TRAM1: variants seen among roughly 807,000 people sequenced by gnomAD.
The protein encoded by TRAM1 is translocating chain-associated membrane protein 1.
Under a neutral mutation model 48.7 loss-of-function variants are expected in TRAM1, and 17 were observed. The observed-to-expected ratio is 0.35, with a 90% confidence interval of 0.24 to 0.52. The LOEUF (loss-of-function observed/expected upper bound fraction) is 0.52. Among genes scored for constraint, TRAM1 ranks in the 20% least tolerant of loss-of-function variants. TRAM1 has a pLI of 0.94. For synonymous variants in TRAM1, 182 were observed against 154.0 expected, an observed-to-expected ratio of 1.18 and a Z score of -1.34; for missense variants, 351 against 441.5, an observed-to-expected ratio of 0.79 and a Z score of 1.84.
At chr8:70,594,805 G>A (rs1817451293) in intron 5 of TRAM1, among the ~76,000 whole-genome samples, 1 of 152,108 alleles carries the variant, frequency 6.6e-6, no homozygotes, top group Admixed American at 6.6e-5. Flanking sequence ...TTAAACAGCA[G>A]GCAAAGATAC....
Position 70,587,095 on chromosome 8 carries a change from T to C in TRAM1, c.641+11A>G, listed in dbSNP as rs1036837906. On this transcript the variant is annotated intron_variant, in intron 7 of 10. Coordinates refer to ENST00000262213, the MANE Select transcript of TRAM1 (RefSeq NM_014294.6). ...AGCCTACTTACACACCCATGAAATA[T>C]CCCAACTCACTTCAAAAGGTAAGCT... The C allele has an allele frequency of 6.8e-6, 11 of 1,613,868 alleles. No homozygotes were observed. The highest frequency in any genetic ancestry group is 9.3e-6 in the Non-Finnish European group (11 of 1,179,824).
Position 70,598,275 on chromosome 8 carries a change from C to T in TRAM1, c.188-20G>A. The T allele has an allele frequency of 6.3e-7, 1 of 1,593,868 alleles. No homozygotes were observed. ...GTTCTTCTGAAGACCAAAAAGGACA[C>T]AAATACACAAAAATATACACAAGGT... On this transcript the variant is annotated intron_variant, in intron 2 of 10. Coordinates refer to ENST00000262213, the MANE Select transcript of TRAM1 (RefSeq NM_014294.6).
chr8:70,604,547 A>C (rs1044945731), intron 1 of TRAM1, among the ~76,000 whole-genome samples: 1 of 152,142 alleles, frequency 6.6e-6, no homozygotes, highest in East Asian at 1.9e-4. Context: ...TTTGTAGTTC[A>C]CAAGTGTGAT....
chr8:70,579,176 C>G (rs1817022556), intron 10 of TRAM1, among the ~76,000 whole-genome samples: 1 of 152,172 alleles, frequency 6.6e-6, no homozygotes, highest in South Asian at 2.1e-4. Flanking sequence ...TGTACTTCCA[C>G]AAATCTAGAT....
chr8:70,607,139 G>A (rs959515733), intron 1 of TRAM1: 55 of 984,126 alleles, frequency 5.6e-5, no homozygotes, highest in Non-Finnish European at 6.2e-5. Flanking sequence ...GCAAAGGAAT[G>A]AGCGTGTGTA....
chr8:70,585,278 A>G (rs1484468986), intron 8 of TRAM1, among the ~76,000 whole-genome samples: 1 of 152,172 alleles, frequency 6.6e-6, no homozygotes, highest in African/African-American at 2.4e-5. Flanking sequence ...AATTAATTCA[A>G]GATGGATTAA....
At chr8:70,603,933 C>A (rs1317254086) in intron 1 of TRAM1, among the ~76,000 whole-genome samples, 1 of 152,222 alleles carries the variant, frequency 6.6e-6, no homozygotes, top group Non-Finnish European at 1.5e-5. Context: ...AGCTAGCAGT[C>A]TTGCTCCTAG....
intron 6 of TRAM1, among the ~76,000 whole-genome samples, chr8:70,589,116 C>A (rs758925841): frequency 6.6e-6 from 1 of 152,046 alleles, no homozygotes; most frequent in African/African-American, 2.4e-5. Flanking sequence ...GTAAGCATGG[C>A]GCAAAGATCA....
At chr8:70,602,734 A>G (rs191475071) in intron 1 of TRAM1, among the ~76,000 whole-genome samples, 1 of 152,340 alleles carries the variant, frequency 6.6e-6, no homozygotes, top group East Asian at 1.9e-4. Flanking sequence ...TTGATTTGCA[A>G]TATTATCTAC....
rs1817449046 is a variant in TRAM1, at chr8:70,594,718, G to A, written c.486-128C>T. The A allele has an allele frequency of 4.6e-6, 3 of 656,686 alleles. No individual in the cohort carries two copies. In the East Asian group the frequency reaches 9.8e-5, roughly 21 times the overall value. The allele number at this position is 656,686 out of a possible 1,614,324, so 40.7% of individuals were successfully genotyped here. Reference sequence around the variant, plus strand: ...TGTCATCATTCCATACAATATCTGTGCACCTTTAAACAACTCTTCAACAAC... The same window carrying A: ...TGTCATCATTCCATACAATATCTGTACACCTTTAAACAACTCTTCAACAAC... On this transcript the variant is annotated intron_variant, in intron 5 of 10. Coordinates refer to ENST00000262213, the MANE Select transcript of TRAM1 (RefSeq NM_014294.6).
At chr8:70,605,637 C>T (rs908720199) in intron 1 of TRAM1, among the ~76,000 whole-genome samples, 4 of 152,112 alleles carry the variant, frequency 2.6e-5, no homozygotes, top group African/African-American at 9.7e-5. Context: ...AGTCGAATAG[C>T]AAAACTAACC....
rs1347320375 is a variant in TRAM1 at position 70,574,721 on chromosome 8, GGCAGGTA to G, written c.*204_*210del. ...GTGGTGGTCCCTAAACTATTTTGAA[GGCAGGTA>G]GCTTAGTCTAAGCTAAAATATTTTT... On this transcript the variant is annotated 3_prime_UTR_variant, in exon 11 of 11. Coordinates refer to ENST00000262213, the MANE Select transcript of TRAM1 (RefSeq NM_014294.6). 2.4e-6 allele frequency: 1 copy of G among 409,826 alleles called. No homozygotes were observed. Among genetic ancestry groups the G allele is most frequent in the African/African-American group, 2.1e-5 (1 of 47,742 alleles). The allele number at this position is 409,826 out of a possible 1,614,324, so 25.4% of individuals were successfully genotyped here.
At chr8:70,583,401 ATT>A in intron 9 of TRAM1, 77 bp from the exon 10 acceptor site, 1 of 1,453,924 alleles carries the variant, frequency 6.9e-7, no homozygotes, top group Non-Finnish European at 9.2e-7. Flanking sequence ...CTTTCATAGT[ATT>A]TAGTAATAAT....
Position 70,608,243 on chromosome 8 carries a change from T to C in TRAM1, c.-44A>G. On this transcript the variant is annotated 5_prime_UTR_variant, in exon 1 of 11. Coordinates refer to ENST00000262213, the MANE Select transcript of TRAM1 (RefSeq NM_014294.6). ...GCCTGCAGGTGCTCCGCCCCGGTTC[T>C]GCTCTTCCCAGCTGCTCACCGACTC... 3.9e-6 allele frequency: 6 copies of C among 1,553,450 alleles called. No individual in the cohort carries two copies. Among genetic ancestry groups the C allele is most frequent in the Non-Finnish European group, 5.2e-6 (6 of 1,155,176 alleles).
At chr8:70,581,878 G>A (rs1817083190) in intron 10 of TRAM1, among the ~76,000 whole-genome samples, 1 of 152,102 alleles carries the variant, frequency 6.6e-6, no homozygotes, top group African/African-American at 2.4e-5. Flanking sequence ...ATATCACATG[G>A]TTCTGTTTAC....
intron 1 of TRAM1, chr8:70,607,529 A>T (rs1386194005): frequency 1.0e-6 from 1 of 977,742 alleles, no homozygotes; most frequent in Non-Finnish European, 1.2e-6. Flanking sequence ...CGCTCACCCC[A>T]ATCTCGGAGC....
intron 1 of TRAM1, chr8:70,606,866 A>C (rs1253496934): frequency 4.1e-6 from 4 of 983,706 alleles, no homozygotes; most frequent in Non-Finnish European, 4.8e-6. Context: ...TTAAAAAGAA[A>C]ATGTATTCAC....
At chr8:70,595,018 C>T (rs1817457411) in intron 5 of TRAM1, among the ~76,000 whole-genome samples, 1 of 147,488 alleles carries the variant, frequency 6.8e-6, no homozygotes, top group East Asian at 2.0e-4. Flanking sequence ...CTGGAATAAT[C>T]CCAATTTCAA....
chr8:70,607,975 G>A (rs1817787735), intron 1 of TRAM1, 102 bp downstream of exon 1: 4 of 1,394,260 alleles, frequency 2.9e-6, no homozygotes, highest in African/African-American at 3.0e-5. Flanking sequence ...CCCCGGGCCC[G>A]AGCCCCCCGC....
Sources: allele counts gnomAD v4.1 joint callset (sites outside exome capture counted in the v4.1 genomes callset), GRCh38; gene constraint gnomAD v4.1.1; transcripts MANE v1.5; gene names NCBI Gene and HGNC (gene_info 2026-07-23, HGNC 2026-07-21).